Variants in PDZRN4 observed in about 807,000 individuals in gnomAD.
PDZRN4 encodes the protein PDZ domain containing ring finger 4.
PDZRN4 carries 70 observed loss-of-function variants against 99.0 expected under a neutral mutation model. That is an observed-to-expected ratio of 0.71 (90% CI 0.58 to 0.86). The LOEUF is 0.86. PDZRN4 is among the 40% of genes least tolerant of loss of function. The pLI is 0.00. For missense variants in PDZRN4, 1,474 were observed against 1,331.2 expected (o/e 1.11, Z -1.67); for synonymous variants, 551 against 501.6 (o/e 1.10, Z -1.32).
chr12:41,381,940 G>C (rs138496093), intron 3 of PDZRN4, among the ~76,000 whole-genome samples: 1 of 152,106 alleles, frequency 6.6e-6, no homozygotes, highest in African/African-American at 2.4e-5. Flanking sequence ...AGGCAGGTAG[G>C]GCTAACTGTC....
intron 3 of PDZRN4, among the ~76,000 whole-genome samples, chr12:41,269,906 A>G (rs558907155): frequency 2.6e-5 from 4 of 152,306 alleles, no homozygotes; most frequent in East Asian, 1.9e-4. Flanking sequence ...TGATACACAC[A>G]CACGATATTG....
intron 3 of PDZRN4, among the ~76,000 whole-genome samples, chr12:41,211,057 T>C (rs1353575196): frequency 6.6e-6 from 1 of 151,990 alleles, no homozygotes; most frequent in East Asian, 1.9e-4. Context: ...CAAATAAATC[T>C]TAAATTTTAA....
chr12:41,388,896 C>G (rs549452586), intron 3 of PDZRN4, among the ~76,000 whole-genome samples: 6 of 152,194 alleles, frequency 3.9e-5, no homozygotes, highest in Non-Finnish European at 8.8e-5. Flanking sequence ...AGAGTAAGGA[C>G]AGTGTACTAT....
intron 3 of PDZRN4, among the ~76,000 whole-genome samples, chr12:41,339,780 C>T (rs948505326): frequency 6.6e-6 from 1 of 151,880 alleles, no homozygotes; most frequent in Non-Finnish European, 1.5e-5. Flanking sequence ...ATACAGATTT[C>T]TCAAAAGAAG....
At chr12:41,477,565 TTTTG>T (rs1470254054) in intron 3 of PDZRN4, among the ~76,000 whole-genome samples, 4 of 152,240 alleles carry the variant, frequency 2.6e-5, no homozygotes, top group Non-Finnish European at 4.4e-5. Flanking sequence ...TTTTAATTCC[TTTTG>T]TTTATTTCCA....
chr12:41,272,753 A>G (rs763264943), intron 3 of PDZRN4, among the ~76,000 whole-genome samples: 4 of 152,082 alleles, frequency 2.6e-5, no homozygotes, highest in African/African-American at 7.2e-5. Context: ...AAACATTTCT[A>G]TCTTTATTTT....
At chr12:41,339,217 T>G (rs1243271495) in intron 3 of PDZRN4, among the ~76,000 whole-genome samples, 1 of 151,544 alleles carries the variant, frequency 6.6e-6, no homozygotes, top group Non-Finnish European at 1.5e-5. Context: ...GCCCTGGCAT[T>G]AAAAACAAAC....
intron 3 of PDZRN4, among the ~76,000 whole-genome samples, chr12:41,385,223 G>T (rs1258882344): frequency 2.0e-5 from 3 of 152,176 alleles, no homozygotes; most frequent in Non-Finnish European, 2.9e-5. Flanking sequence ...CTGGGGAGGA[G>T]TTGCACAATT....
At chr12:41,547,715 C>T (rs1006326548) in intron 5 of PDZRN4, among the ~76,000 whole-genome samples, 2 of 152,158 alleles carry the variant, frequency 1.3e-5, no homozygotes, top group Admixed American at 6.5e-5. Flanking sequence ...ATTCCTGGTC[C>T]AGATTTCCTG....
chr12:41,395,329 A>G (rs1306175276), intron 3 of PDZRN4, among the ~76,000 whole-genome samples: 1 of 152,214 alleles, frequency 6.6e-6, no homozygotes, highest in Non-Finnish European at 1.5e-5. Context: ...TTCCTGTTTA[A>G]AAATGGGAGA....
At chr12:41,510,242 A>T (rs1000425536) in intron 5 of PDZRN4, among the ~76,000 whole-genome samples, 2 of 152,116 alleles carry the variant, frequency 1.3e-5, no homozygotes, top group Non-Finnish European at 2.9e-5. Context: ...TAAAACAAAG[A>T]TTGTGTTTAC....
At chr12:41,192,969 A>G (rs1488715603) in intron 2 of PDZRN4, among the ~76,000 whole-genome samples, 2 of 152,244 alleles carry the variant, frequency 1.3e-5, no homozygotes, top group East Asian at 1.9e-4. Context: ...ATTTTTCTCA[A>G]TAAACTGCCA....
chr12:41,216,985 C>G (rs1950925361), intron 3 of PDZRN4, among the ~76,000 whole-genome samples: 1 of 152,018 alleles, frequency 6.6e-6, no homozygotes, highest in African/African-American at 2.4e-5. Context: ...AAATCAACTC[C>G]CCAACATCAT....
chr12:41,199,717 A>G (rs1160126974), intron 3 of PDZRN4, among the ~76,000 whole-genome samples: 2 of 152,204 alleles, frequency 1.3e-5, no homozygotes, highest in South Asian at 4.1e-4. Context: ...TTTGCGCAAC[A>G]TAGATGGAAC....
chr12:41,318,534 TGTG>T (rs1448091357), intron 3 of PDZRN4, among the ~76,000 whole-genome samples: 1 of 152,326 alleles, frequency 6.6e-6, no homozygotes, highest in East Asian at 1.9e-4. Context: ...GCCAGGTCCT[TGTG>T]GTAAGTCAAC....
intron 3 of PDZRN4, among the ~76,000 whole-genome samples, chr12:41,215,448 A>G (rs1591971275): frequency 6.6e-6 from 1 of 152,152 alleles, no homozygotes; most frequent in East Asian, 1.9e-4. Context: ...GTGTTCTTGA[A>G]TGCCATTTGA....
At chr12:41,519,146 T>C (rs909702738) in intron 5 of PDZRN4, among the ~76,000 whole-genome samples, 1 of 152,042 alleles carries the variant, frequency 6.6e-6, no homozygotes, top group African/African-American at 2.4e-5. Flanking sequence ...ATTTGAATTT[T>C]CAAAGTTGAA....
At chr12:41,429,050 C>T (rs1054806139) in intron 3 of PDZRN4, among the ~76,000 whole-genome samples, 1 of 152,086 alleles carries the variant, frequency 6.6e-6, no homozygotes, top group Non-Finnish European at 1.5e-5. Flanking sequence ...TTAAGTTTTG[C>T]TAGGTAGAAT....
chr12:41,336,152 C>T (rs1951772615), intron 3 of PDZRN4, among the ~76,000 whole-genome samples: 1 of 152,086 alleles, frequency 6.6e-6, no homozygotes, highest in South Asian at 2.1e-4. Context: ...ACAAATCTGG[C>T]CAATAATATG....
Sources: allele counts gnomAD v4.1 joint callset (sites outside exome capture counted in the v4.1 genomes callset), GRCh38; gene constraint gnomAD v4.1.1; transcripts MANE v1.5; gene names NCBI Gene and HGNC (gene_info 2026-07-23, HGNC 2026-07-21).